Variants in DMGDH observed in about 807,000 individuals in gnomAD.
DMGDH encodes the protein dimethylglycine dehydrogenase, also known as dimethylglycine dehydrogenase, mitochondrial.
Under a neutral mutation model 95.2 loss-of-function variants are expected in DMGDH, and 76 were observed. The observed-to-expected ratio is 0.80, with a 90% confidence interval of 0.66 to 0.97. DMGDH has a LOEUF of 0.97. DMGDH is among the 50% of genes least tolerant of loss of function. DMGDH has a pLI of 0.00. For missense variants in DMGDH, 987 were observed against 1,055.0 expected (o/e 0.94, Z 0.89); for synonymous variants, 345 against 377.6 (o/e 0.91, Z 1.00).
intron 9 of DMGDH, among the ~76,000 whole-genome samples, chr5:79,032,320 T>A (rs1221573392): frequency 6.6e-6 from 1 of 152,184 alleles, no homozygotes; most frequent in East Asian, 1.9e-4. Context: ...CCAGGTACAT[T>A]TTGTGGTTAT....
At position 79,051,237 on chromosome 5, in the gene DMGDH, C is replaced by T. The variant is rs745350698; in HGVS notation, c.745+50G>A. On this transcript the variant is annotated intron_variant, in intron 5 of 15. Coordinates refer to ENST00000255189, the MANE Select transcript of DMGDH (RefSeq NM_013391.3). ...ACGAAACATTACGGCTAAATATCTT[C>T]TTTCTTTGGCACTTAAAAAACACTA... The T allele has an allele frequency of 4.1e-5, 64 of 1,566,690 alleles. No individual in the cohort carries two copies. In the South Asian group the frequency reaches 6.8e-4, roughly 17 times the overall value.
In DMGDH at chr5:79,053,542, C is replaced by G. The variant is rs182975823; in HGVS notation, c.540+642G>C. ...TAACATACTAACTGGTACATAAATA[C>G]GTGCCATGAAATTATGCATGTAAGG... On this transcript the variant is annotated intron_variant, in intron 4 of 15. Coordinates refer to ENST00000255189, the MANE Select transcript of DMGDH (RefSeq NM_013391.3). Among the ~76,000 whole-genome samples the G allele has an allele frequency of 2.0e-5, 3 of 149,630 alleles. No homozygotes were observed. The East Asian group carries it at 5.8e-4, about 29-fold the overall frequency.
rs760892089 is a variant in DMGDH, at chr5:79,063,602, GC to G, written c.276+10del. 1 of 1,614,166 alleles carries G rather than the reference GC, an allele frequency of 6.2e-7. No individual in the cohort carries two copies. The highest frequency in any genetic ancestry group is 1.1e-5 in the South Asian group (1 of 91,082). On this transcript the variant is annotated intron_variant, in intron 2 of 15. Transcript: ENST00000255189. Reference sequence around the variant, plus strand: ...TTCCACGCTTATGACAGTTTGGGGTGCTTTTCTTACTGCGTGCCAGGTAGAT... The same window carrying G: ...TTCCACGCTTATGACAGTTTGGGGTGTTTTCTTACTGCGTGCCAGGTAGAT...
intron 14 of DMGDH, among the ~76,000 whole-genome samples, chr5:79,018,714 A>C (rs1258387378): frequency 6.6e-6 from 1 of 152,222 alleles, no homozygotes; most frequent in Non-Finnish European, 1.5e-5. Flanking sequence ...AAGCAATCTT[A>C]AAAATTATTT....
At chr5:79,045,194 T>C (rs1399411728) in intron 5 of DMGDH, among the ~76,000 whole-genome samples, 1 of 152,180 alleles carries the variant, frequency 6.6e-6, no homozygotes, top group Non-Finnish European at 1.5e-5. Context: ...TGTAAGATCC[T>C]TTATTGTAAA....
intron 5 of DMGDH, among the ~76,000 whole-genome samples, chr5:79,050,529 G>T (rs950217032): frequency 6.6e-6 from 1 of 152,094 alleles, no homozygotes; most frequent in African/African-American, 2.4e-5. Context: ...GACTGCACAA[G>T]CATTTTCACT....
At chr5:79,047,673 G>A (rs575668729) in intron 5 of DMGDH, among the ~76,000 whole-genome samples, 2 of 152,280 alleles carry the variant, frequency 1.3e-5, no homozygotes, top group African/African-American at 2.4e-5. Context: ...CTAAAGGCAA[G>A]TTAGACTACT....
chr5:79,020,188 A>G (rs1236951324), intron 14 of DMGDH, among the ~76,000 whole-genome samples: 1 of 152,220 alleles, frequency 6.6e-6, no homozygotes, highest in Non-Finnish European at 1.5e-5. Context: ...ATTAAAAACA[A>G]CTGATGCCTG....
At chr5:79,058,977 C>A (rs1169712317) in intron 2 of DMGDH, among the ~76,000 whole-genome samples, 2 of 152,162 alleles carry the variant, frequency 1.3e-5, no homozygotes, top group African/African-American at 4.8e-5. Flanking sequence ...ATTCCAGTGG[C>A]TCCAAATCTT....
At chr5:79,066,939 T>C (rs1755399404) in intron 1 of DMGDH, among the ~76,000 whole-genome samples, 1 of 152,236 alleles carries the variant, frequency 6.6e-6, no homozygotes, top group Non-Finnish European at 1.5e-5. Context: ...GATTATTTCC[T>C]AACCCCATCA....
intron 15 of DMGDH, among the ~76,000 whole-genome samples, chr5:79,005,064 A>G (rs1020985496): frequency 2.0e-5 from 3 of 152,226 alleles, no homozygotes; most frequent in Non-Finnish European, 4.4e-5. Flanking sequence ...CAGAATATAT[A>G]GAATTTTATG....
At position 79,054,207 on chromosome 5, in the gene DMGDH, A is replaced by T. The variant is rs1199020757; in HGVS notation, c.517T>A (p.Phe173Ile). 6.2e-7 allele frequency: 1 copy of T among 1,614,110 alleles called. No individual in the cohort carries two copies. The highest frequency in any genetic ancestry group is 8.5e-7 in the Non-Finnish European group (1 of 1,179,984). ...ACCTTATTCATGTTGAGTAAAGGGAACATCTCTTGAATTTTTTCAGGTTCA... is the reference window on the plus strand; with the variant it reads ...ACCTTATTCATGTTGAGTAAAGGGATCATCTCTTGAATTTTTTCAGGTTCA... ...LIEPEKIQEM[F>I]PLLNMNKVLA... The change falls in exon 4 of 16, where the codon TTC (phenylalanine) becomes ATC (isoleucine). Residue 173 changes from phenylalanine (F) to isoleucine (I), a missense_variant. Phe to Ile is a conservative substitution (Grantham distance 21). Coordinates refer to ENST00000255189, the MANE Select transcript of DMGDH (RefSeq NM_013391.3).
At chr5:79,001,409 C>T (rs148737235) in intron 15 of DMGDH, among the ~76,000 whole-genome samples, 57 of 152,268 alleles carry the variant, frequency 3.7e-4, no homozygotes, top group African/African-American at 1.1e-3. Context: ...GTGATCAGCC[C>T]GCCTTGGCCT....
At chr5:79,059,041 G>T (rs1362547399) in intron 2 of DMGDH, among the ~76,000 whole-genome samples, 1 of 152,136 alleles carries the variant, frequency 6.6e-6, no homozygotes, top group Non-Finnish European at 1.5e-5. Context: ...ACTAAAATAC[G>T]TGTATTTCTT....
intron 2 of DMGDH, among the ~76,000 whole-genome samples, chr5:79,062,374 C>T (rs1755233964): frequency 6.6e-6 from 1 of 150,462 alleles, no homozygotes; most frequent in Non-Finnish European, 1.5e-5. Context: ...AGCAGGCAAT[C>T]CTTTTCATGC....
chr5:79,065,985 T>C (rs1204697582), intron 1 of DMGDH, among the ~76,000 whole-genome samples: 3 of 152,196 alleles, frequency 2.0e-5, no homozygotes, highest in Non-Finnish European at 2.9e-5. Context: ...TTAGAGTAAA[T>C]TGTAGGTATC....
At chr5:79,068,030 G>A (rs919049532) in intron 1 of DMGDH, among the ~76,000 whole-genome samples, 6 of 152,062 alleles carry the variant, frequency 3.9e-5, no homozygotes, top group Non-Finnish European at 5.9e-5. Flanking sequence ...CGATTCTCCC[G>A]CCTCAGCCTC....
intron 13 of DMGDH, among the ~76,000 whole-genome samples, chr5:79,025,203 A>G (rs115918110): frequency 0.017 from 2,604 of 152,334 alleles, 71 homozygotes; most frequent in African/African-American, 0.059. Flanking sequence ...CGGGAGAAGG[A>G]GAAAAGCTCT....
At chr5:79,069,012 G>A (rs1352235389) in intron 1 of DMGDH, among the ~76,000 whole-genome samples, 3 of 152,192 alleles carry the variant, frequency 2.0e-5, no homozygotes, top group Admixed American at 6.5e-5. Context: ...TGTACTCAAA[G>A]ATAGATGCCT....
Sources: gnomAD v4.1 joint callset for allele counts (sites outside exome capture counted in the v4.1 genomes callset) on GRCh38, gnomAD v4.1.1 for gene constraint, MANE v1.5 for transcripts, NCBI Gene and HGNC (gene_info 2026-07-23, HGNC 2026-07-21) for gene names.